The following CLIP4 variants were observed in gnomAD, a reference collection of about 807,000 sequenced individuals.
CLIP4 encodes the protein CAP-Gly domain-containing linker protein 4.
Under a neutral mutation model 73.1 loss-of-function variants are expected in CLIP4, and 47 were observed. That is an observed-to-expected ratio of 0.64 (90% confidence interval 0.51 to 0.82). The LOEUF (loss-of-function observed/expected upper bound fraction) is 0.82. CLIP4 is among the 40% of genes least tolerant of loss of function. CLIP4 has a pLI of 0.00. For missense variants in CLIP4, 874 were observed against 852.9 expected (o/e 1.02, Z -0.31); for synonymous variants, 306 against 295.4 (o/e 1.04, Z -0.37).
chr2:29,140,646 A>C (rs1413895029), intron 6 of CLIP4, among the ~76,000 whole-genome samples: 1 of 152,180 alleles, frequency 6.6e-6, no homozygotes, highest in African/African-American at 2.4e-5. Flanking sequence ...ATCCCTGAGG[A>C]ATCGCCACAC....
intron 6 of CLIP4, among the ~76,000 whole-genome samples, chr2:29,143,358 C>T (rs1338247847): frequency 6.6e-6 from 1 of 151,798 alleles, no homozygotes; most frequent in Non-Finnish European, 1.5e-5. Flanking sequence ...AGAGTTTCCC[C>T]TACAACCATC....
chr2:29,167,764 T>G (rs1253573379), intron 14 of CLIP4: 1 of 377,386 alleles, frequency 2.6e-6, no homozygotes, highest in African/African-American at 2.1e-5. Flanking sequence ...TGCCTTGCTC[T>G]TCATATACCC....
rs569192734 is a variant in CLIP4 at position 29,126,187 on chromosome 2, CAAAAAATA to C, written c.133+4679_133+4686del. The stretch of plus-strand genomic sequence containing the variant: ...GCGAGAGAGTGAGACTCTGTCCCTA[CAAAAAATA>C]AAAAAATAAAAACTATTTTTCATTT... On this transcript the variant is annotated intron_variant, in intron 2 of 15. Coordinates refer to ENST00000320081, the MANE Select transcript of CLIP4 (RefSeq NM_024692.6). Among the ~76,000 whole-genome samples the C allele has an allele frequency of 6.7e-4, 101 of 151,672 alleles. 1 individual carries two copies. Among genetic ancestry groups the C allele is most frequent in the Non-Finnish European group, 1.1e-3 (75 of 67,878 alleles).
At chr2:29,098,682 G>A (rs753947863) in intron 1 of CLIP4, among the ~76,000 whole-genome samples, 2 of 152,118 alleles carry the variant, frequency 1.3e-5, no homozygotes, top group Non-Finnish European at 2.9e-5. Flanking sequence ...TTCACGTATC[G>A]GTTCTCGTGT....
At chr2:29,105,838 C>G (rs1668187975) in intron 1 of CLIP4, among the ~76,000 whole-genome samples, 1 of 152,196 alleles carries the variant, frequency 6.6e-6, no homozygotes, top group Non-Finnish European at 1.5e-5. Flanking sequence ...CCCTGCCAGC[C>G]ACTGCATCTG....
At chr2:29,159,682 TTAAAA>T (rs1326369509) in intron 11 of CLIP4, among the ~76,000 whole-genome samples, 2 of 78,020 alleles carry the variant, frequency 2.6e-5, no homozygotes, top group African/African-American at 4.6e-5. Context: ...CCCTGTTTCT[TTAAAA>T]AAAAAAAAAA....
In CLIP4 at chr2:29,172,929, C is replaced by T. The variant is rs72863708; in HGVS notation, c.1724-1444C>T. 4.5e-3 allele frequency among the ~76,000 whole-genome samples: 687 copies of T among 152,066 alleles called. 12 individuals carry two copies. Among genetic ancestry groups the T allele is most frequent in the African/African-American group, 0.016 (664 of 41,498 alleles). ...CAAGTTACCATTGCAATTCTTTCCC[C>T]ATATTTTCAAATTTTTCTTTTATGT... On this transcript the variant is annotated intron_variant, in intron 14 of 15. Coordinates refer to ENST00000320081, the MANE Select transcript of CLIP4 (RefSeq NM_024692.6).
intron 1 of CLIP4, among the ~76,000 whole-genome samples, chr2:29,101,582 G>A (rs1025998970): frequency 4.6e-5 from 7 of 152,104 alleles, no homozygotes; most frequent in African/African-American, 1.7e-4. Context: ...TTGAGGGTGG[G>A]TCTGCCTCTC....
chr2:29,171,236 A>G lies in CLIP4; in HGVS notation c.1724-3137A>G, dbSNP rs115518065. On this transcript the variant is annotated intron_variant, in intron 14 of 15. Coordinates refer to ENST00000320081, the MANE Select transcript of CLIP4 (RefSeq NM_024692.6). ...GTCTTTTTACCTATAAACATGGACT[A>G]TCTCTCCATTTATTTATATCTTCTT... 6.5e-3 allele frequency among the ~76,000 whole-genome samples: 988 copies of G among 152,314 alleles called. 17 individuals carry two copies. Among genetic ancestry groups the G allele is most frequent in the African/African-American group, 0.023 (955 of 41,564 alleles).
At chr2:29,163,733 A>G (rs752690204) in intron 12 of CLIP4, 98 bp from the exon 13 acceptor site, 2 of 1,208,306 alleles carry the variant, frequency 1.7e-6, no homozygotes, top group Non-Finnish European at 2.2e-6. Flanking sequence ...TTGGTCATTT[A>G]TGGAAATGTT....
intron 2 of CLIP4, among the ~76,000 whole-genome samples, chr2:29,123,772 A>G (rs1166246660): frequency 6.6e-6 from 1 of 152,194 alleles, no homozygotes; most frequent in Non-Finnish European, 1.5e-5. Flanking sequence ...GGGAATTTTT[A>G]TATAATACCA....
Position 29,132,162 on chromosome 2 carries a change from G to A in CLIP4, c.284G>A (p.Arg95Lys). The change falls in exon 4 of 16, where the codon AGA (arginine) becomes AAA (lysine). Residue 95 changes from arginine (R) to lysine (K), a missense_variant. Coordinates refer to ENST00000320081, the MANE Select transcript of CLIP4 (RefSeq NM_024692.6). ...IDIIGNEILK[R>K]GCNVNDRDGL... Reference sequence around the variant, plus strand: ...CCTTGACTGCTTCAGATTCTTAAGAGAGGTTGCAATGTGAATGATAGAGAT... The same window carrying A: ...CCTTGACTGCTTCAGATTCTTAAGAAAGGTTGCAATGTGAATGATAGAGAT... The A allele has an allele frequency of 6.2e-7, 1 of 1,613,342 alleles. No homozygotes were observed. Among genetic ancestry groups the A allele is most frequent in the East Asian group, 2.2e-5 (1 of 44,846 alleles).
rs1406476596 is a variant in CLIP4, at chr2:29,156,351, A to G, written c.1166-3A>G. ...CTTAAAGTGTTTTATTTTTGTGTCC[A>G]AGGATTAATGACATCAAAAAAAGAT... On this transcript the variant is annotated splice_region_variant and splice_polypyrimidine_tract_variant and intron_variant, in intron 9 of 15. Transcript: ENST00000320081. The G allele has an allele frequency of 1.3e-6, 2 of 1,561,496 alleles. No homozygotes were observed. The highest frequency in any genetic ancestry group is 2.3e-5 in the East Asian group (1 of 43,264).
intron 14 of CLIP4, among the ~76,000 whole-genome samples, chr2:29,169,133 A>G (rs1358976413): frequency 6.6e-6 from 1 of 152,080 alleles, no homozygotes; most frequent in Non-Finnish European, 1.5e-5. Flanking sequence ...ATGTTTGATG[A>G]TGTATTAGTT....
rs763161212 is a variant in CLIP4 at position 29,133,319 on chromosome 2, G to A, written c.368-336G>A. ...GGACTGCCAGTGGTCCACGGAACAC[G>A]TTTGGGGGAGCACTGATCTGCTGTG... On this transcript the variant is annotated intron_variant, in intron 4 of 15. Coordinates refer to ENST00000320081, the MANE Select transcript of CLIP4 (RefSeq NM_024692.6). Among the ~76,000 whole-genome samples the A allele has an allele frequency of 8.5e-5, 13 of 152,348 alleles. No homozygotes were observed. The Middle Eastern group carries it at 0.017, about 199-fold the overall frequency.
rs1269755734 is a variant in CLIP4 at position 29,182,052 on chromosome 2, A to G, written c.*159A>G. On this transcript the variant is annotated 3_prime_UTR_variant, in exon 16 of 16. Coordinates refer to ENST00000320081, the MANE Select transcript of CLIP4 (RefSeq NM_024692.6). ...TTCAGAGAGAGTTCTTTACAAAGCCATGAATATGAACTATGGGGAATCATG... is the reference window on the plus strand; with the variant it reads ...TTCAGAGAGAGTTCTTTACAAAGCCGTGAATATGAACTATGGGGAATCATG... 3.5e-6 allele frequency: 2 copies of G among 572,546 alleles called. No individual in the cohort carries two copies. Among genetic ancestry groups the G allele is most frequent in the African/African-American group, 1.9e-5 (1 of 52,426 alleles). 35.5% of individuals were successfully genotyped at this position (572,546 alleles called of 1,614,324 possible).
At chr2:29,123,365 GC>G (rs1468552398) in intron 2 of CLIP4, among the ~76,000 whole-genome samples, 1 of 152,212 alleles carries the variant, frequency 6.6e-6, no homozygotes, top group Non-Finnish European at 1.5e-5. Flanking sequence ...TGTCCTGGAT[GC>G]TGGAGATATC....
At chr2:29,131,460 C>T in intron 3 of CLIP4, 63 bp downstream of exon 3, 1 of 1,499,494 alleles carries the variant, frequency 6.7e-7, no homozygotes, top group Admixed American at 2.4e-5. Flanking sequence ...AGATTTTTTT[C>T]CCCATCTGAA....
rs138765908 is a variant in CLIP4 at position 29,167,691 on chromosome 2, C to T, written c.1723+151C>T. Reference sequence around the variant, plus strand: ...TAGAACAAACATCTGTTACCTGTCCCCTGGCTGAAGAAGATGATAACCTGA... The same window carrying T: ...TAGAACAAACATCTGTTACCTGTCCTCTGGCTGAAGAAGATGATAACCTGA... On this transcript the variant is annotated intron_variant, in intron 14 of 15. Transcript: ENST00000320081. The T allele has an allele frequency of 2.2e-3, 1,099 of 508,384 alleles. 3 individuals are homozygous for T. The highest frequency in any genetic ancestry group is 3.1e-3 in the Non-Finnish European group (943 of 299,962). The allele number at this position is 508,384 out of a possible 1,614,324, so 31.5% of individuals were successfully genotyped here.
Sources: gnomAD v4.1 joint callset for allele counts (sites outside exome capture counted in the v4.1 genomes callset) on GRCh38, gnomAD v4.1.1 for gene constraint, MANE v1.5 for transcripts, NCBI Gene and HGNC (gene_info 2026-07-23, HGNC 2026-07-21) for gene names.